The following ASXL3 variants were observed in gnomAD, a reference collection of about 807,000 sequenced individuals.
The protein encoded by ASXL3 is putative Polycomb group protein ASXL3.
A neutral mutation model predicts 170.6 loss-of-function variants in ASXL3; 34 were observed. The ratio of observed to expected loss-of-function variants is 0.20; its 90% CI spans 0.15 to 0.27. ASXL3 has a LOEUF of 0.27. Among genes scored for constraint, ASXL3 ranks in the 10% least tolerant of loss-of-function variants. The probability of loss-of-function intolerance (pLI) is 1.00; values close to 1 mark genes in which losing one functional copy is unlikely to be tolerated. For synonymous variants in ASXL3, 1,002 were observed against 989.1 expected (o/e 1.01, Z -0.24); for missense variants, 2,592 against 2,695.3 (o/e 0.96, Z 0.85).
intron 8 of ASXL3, among the ~76,000 whole-genome samples, chr18:33,726,863 C>T (rs965803142): frequency 6.6e-6 from 1 of 152,124 alleles, no homozygotes; most frequent in Non-Finnish European, 1.5e-5. Flanking sequence ...GTGATCCTGT[C>T]CCCTCCGCTC....
intron 8 of ASXL3, among the ~76,000 whole-genome samples, chr18:33,724,079 G>C (rs1568350092): frequency 6.6e-6 from 1 of 152,140 alleles, no homozygotes; most frequent in Admixed American, 6.6e-5. Context: ...AAACGTTTAT[G>C]TGACTTACTT....
At chr18:33,648,314 G>A (rs559035980) in intron 4 of ASXL3, among the ~76,000 whole-genome samples, 1 of 152,180 alleles carries the variant, frequency 6.6e-6, no homozygotes, top group South Asian at 2.1e-4. Flanking sequence ...GCAGTGGATG[G>A]GATGAAAAGT....
intron 8 of ASXL3, among the ~76,000 whole-genome samples, chr18:33,726,355 T>C (rs1293198968): frequency 1.3e-5 from 2 of 152,126 alleles, no homozygotes; most frequent in Non-Finnish European, 2.9e-5. Flanking sequence ...GTAAACCCTA[T>C]ATACTAGTGT....
chr18:33,671,879 T>A lies in ASXL3; in HGVS notation c.715+13T>A, dbSNP rs1387413443. On this transcript the variant is annotated intron_variant, in intron 7 of 11. Coordinates refer to ENST00000269197, the MANE Select transcript of ASXL3 (RefSeq NM_030632.3). Reference sequence around the variant, plus strand: ...AAGTCTGGTTTAGGTGAGTGTTTAATAGACTATGCCATTTCACATTTTAGA... The same window carrying A: ...AAGTCTGGTTTAGGTGAGTGTTTAAAAGACTATGCCATTTCACATTTTAGA... 1.3e-6 allele frequency: 2 copies of A among 1,564,596 alleles called. No individual in the cohort carries two copies. The highest frequency in any genetic ancestry group is 8.6e-7 in the Non-Finnish European group (1 of 1,158,564).
chr18:33,645,763 T>TA (rs61547803), intron 3 of ASXL3, among the ~76,000 whole-genome samples: 3 of 151,724 alleles, frequency 2.0e-5, no homozygotes, highest in Non-Finnish European at 4.4e-5. Flanking sequence ...AGTTTTTTTT[T>TA]AATGTCAAAA....
At chr18:33,621,660 G>T (rs906847710) in intron 2 of ASXL3, among the ~76,000 whole-genome samples, 3 of 152,096 alleles carry the variant, frequency 2.0e-5, no homozygotes, top group Non-Finnish European at 2.9e-5. Context: ...TCCCACCATG[G>T]GTTGGTGGAG....
chr18:33,588,785 A>G (rs573554248), intron 1 of ASXL3, among the ~76,000 whole-genome samples: 2 of 152,230 alleles, frequency 1.3e-5, no homozygotes, highest in Admixed American at 6.5e-5. Context: ...GCAACAATGA[A>G]GTCCACAACA....
At chr18:33,649,969 A>G (rs2065972619) in intron 4 of ASXL3, among the ~76,000 whole-genome samples, 1 of 152,086 alleles carries the variant, frequency 6.6e-6, no homozygotes, top group Non-Finnish European at 1.5e-5. Context: ...AGTTGCCTGG[A>G]TGAGGTGGCA....
Position 33,745,533 on chromosome 18 carries a change from A to G in ASXL3, c.5685A>G (p.Lys1895=). The change falls in exon 12 of 12, where the codon AAA becomes AAG. Residue 1895 remains lysine (K), a synonymous_variant. Transcript: ENST00000269197. ...GAATTGTTCACAGCCCTGAGGTCAA[A>G]CAGCAAAAGCGGCTGCTCCCCTCGT... ...QNRIVHSPEV[K]QQKRLLPSCS... 1 of 1,613,986 alleles carries G rather than the reference A, an allele frequency of 6.2e-7. No individual in the cohort carries two copies. The highest frequency in any genetic ancestry group is 8.5e-7 in the Non-Finnish European group (1 of 1,179,896).
At chr18:33,718,909 T>C (rs1207220939) in intron 8 of ASXL3, among the ~76,000 whole-genome samples, 1 of 152,062 alleles carries the variant, frequency 6.6e-6, no homozygotes, top group East Asian at 1.9e-4. Context: ...TCCTAGAGTA[T>C]GTCTGCTACA....
rs777740826 is a variant in ASXL3, at chr18:33,745,114, G to A, written c.5266G>A (p.Gly1756Ser). ...TCCGCTGGTGACGCAGTTACTACAGGGCAACCTGCCTTTGGAAAAAGTGTT... is the reference window on the plus strand; with the variant it reads ...TCCGCTGGTGACGCAGTTACTACAGAGCAACCTGCCTTTGGAAAAAGTGTT... ...NNPLVTQLLQ[G>S]NLPLEKVLPQ... The change falls in exon 12 of 12, where the codon GGC becomes AGC. Residue 1756 changes from glycine to serine, a missense_variant. Gly to Ser is a moderately conservative substitution (Grantham distance 56). Around this residue, in one of 4 missense-constraint regions of ASXL3, gnomAD observed 2,246 missense variants for 2,219.6 expected, o/e 1.01. Transcript: ENST00000269197. 6.2e-7 allele frequency: 1 copy of A among 1,613,960 alleles called. No homozygotes were observed. The highest frequency in any genetic ancestry group is 8.5e-7 in the Non-Finnish European group (1 of 1,179,878).
intron 1 of ASXL3, among the ~76,000 whole-genome samples, chr18:33,589,423 T>A (rs911789943): frequency 6.6e-6 from 1 of 152,168 alleles, no homozygotes; most frequent in East Asian, 1.9e-4. Flanking sequence ...TTATAATCAC[T>A]TATTTAAAAG....
At chr18:33,599,203 C>T (rs956414185) in intron 1 of ASXL3, among the ~76,000 whole-genome samples, 10 of 152,018 alleles carry the variant, frequency 6.6e-5, no homozygotes, top group African/African-American at 2.4e-4. Flanking sequence ...TCATGTCAAA[C>T]TAAATTAATT....
chr18:33,731,648 A>C (rs1027765316), intron 8 of ASXL3, among the ~76,000 whole-genome samples: 3 of 152,132 alleles, frequency 2.0e-5, no homozygotes, highest in Non-Finnish European at 4.4e-5. Context: ...CACCAACTAC[A>C]TAAGAAGCCA....
intron 8 of ASXL3, among the ~76,000 whole-genome samples, chr18:33,711,770 A>G (rs2067068592): frequency 6.6e-6 from 1 of 152,090 alleles, no homozygotes; most frequent in Non-Finnish European, 1.5e-5. Context: ...CCAGGGCTGT[A>G]TTGTCATAGC....
chr18:33,602,807 A>AAAT (rs1219838770), intron 1 of ASXL3, among the ~76,000 whole-genome samples: 1 of 126,194 alleles, frequency 7.9e-6, no homozygotes, highest in Non-Finnish European at 1.7e-5. Context: ...TTTGAGGATC[A>AAAT]AATAAAATAA....
chr18:33,696,051 G>C (rs564079911), intron 8 of ASXL3, among the ~76,000 whole-genome samples: 1 of 152,060 alleles, frequency 6.6e-6, no homozygotes, highest in Non-Finnish European at 1.5e-5. Context: ...ATTAGTGCCT[G>C]TTCTTTTAGT....
intron 7 of ASXL3, among the ~76,000 whole-genome samples, chr18:33,680,185 C>T (rs190487778): frequency 6.6e-5 from 10 of 151,990 alleles, no homozygotes; most frequent in African/African-American, 2.2e-4. Flanking sequence ...TTATAATTTC[C>T]GTTACAATTT....
chr18:33,732,193 C>A (rs972859572), intron 9 of ASXL3, 129 bp downstream of exon 9: 3 of 522,068 alleles, frequency 5.7e-6, no homozygotes, highest in African/African-American at 3.9e-5. Context: ...AACTCATATC[C>A]CTTTCCAAAT....
Sources: gnomAD v4.1 joint callset for allele counts (sites outside exome capture counted in the v4.1 genomes callset) on GRCh38, gnomAD v4.1.1 for gene constraint, gnomAD v4.1.1 regional missense constraint, MANE v1.5 for transcripts, NCBI Gene and HGNC (gene_info 2026-07-23, HGNC 2026-07-21) for gene names.